Variants in SRSF10 observed in about 807,000 individuals in gnomAD.
The protein encoded by SRSF10 is serine and arginine rich splicing factor 10.
Under a neutral mutation model 32.6 loss-of-function variants are expected in SRSF10, and 9 were observed. The ratio of observed to expected loss-of-function variants is 0.28; its 90% CI spans 0.17 to 0.48. The LOEUF (loss-of-function observed/expected upper bound fraction) is 0.48. SRSF10 is among the 20% of genes least tolerant of loss of function. The pLI, the probability that SRSF10 is intolerant of heterozygous loss-of-function variation, is 0.99. For missense variants in SRSF10, 201 were observed against 331.8 expected (o/e 0.61, Z 3.06); for synonymous variants, 105 against 112.4 (o/e 0.93, Z 0.42).
intron 3 of SRSF10, 81 bp downstream of exon 3, chr1:23,974,893 C>G: frequency 1.9e-6 from 2 of 1,042,802 alleles, no homozygotes; most frequent in Non-Finnish European, 2.9e-6. Flanking sequence ...AACAGAAACA[C>G]AAATTGCTTA....
rs1641391581 is a variant in SRSF10, at chr1:23,965,133, T to C, written c.*6009A>G. 1 of 151,996 alleles carries C rather than the reference T, an allele frequency of 6.6e-6. No homozygotes were observed. The highest frequency in any genetic ancestry group is 6.5e-5 in the Admixed American group (1 of 15,270). 9.4% of individuals were successfully genotyped at this position (151,996 alleles called of 1,614,324 possible). On this transcript the variant is annotated 3_prime_UTR_variant, in exon 6 of 6. Transcript: ENST00000492112. The stretch of plus-strand genomic sequence containing the variant: ...CAATAACCGAAGACAAACAGGTTGC[T>C]CACTTCATCCTATTTATCAAGTCAT...
intron 1 of SRSF10, 98 bp from the exon 2 acceptor site, chr1:23,978,915 T>A: frequency 9.2e-7 from 1 of 1,085,998 alleles, no homozygotes; most frequent in East Asian, 2.4e-5. Flanking sequence ...GATCCAAGAA[T>A]TTGGAAGATA....
intron 4 of SRSF10, 103 bp from the exon 5 acceptor site, chr1:23,971,729 ATT>A (rs1420027265): frequency 6.6e-7 from 1 of 1,509,598 alleles, no homozygotes; most frequent in Non-Finnish European, 9.0e-7. Flanking sequence ...ATGCTACAGT[ATT>A]TTTTGTCTCA....
rs1641724368 is a variant in SRSF10, at chr1:23,970,995, AT to A, written c.*146del. ...AAGAGTGGCTTCTCAACAGCATATC[AT>A]TTTAATTATAACCATTGCCTGGTAC... On this transcript the variant is annotated 3_prime_UTR_variant, in exon 6 of 6. Transcript: ENST00000492112. 2 of 1,455,274 alleles carry A rather than the reference AT, an allele frequency of 1.4e-6. No individual in the cohort carries two copies. Among genetic ancestry groups the A allele is most frequent in the Non-Finnish European group, 1.8e-6 (2 of 1,110,654 alleles). The allele number at this position is 1,455,274 out of a possible 1,614,324, so 90.1% of individuals were successfully genotyped here.
At chr1:23,972,790 G>A (rs4603076) in intron 3 of SRSF10, among the ~76,000 whole-genome samples, 76,363 of 149,214 alleles carry the variant, frequency 0.51, 19,881 homozygotes, top group East Asian at 0.57. Context: ...TGCCCAGGCC[G>A]GAGTGCGATG....
intron 3 of SRSF10, among the ~76,000 whole-genome samples, chr1:23,974,260 C>A (rs1641948547): frequency 6.6e-6 from 1 of 152,158 alleles, no homozygotes; most frequent in African/African-American, 2.4e-5. Flanking sequence ...CCACTGCACC[C>A]TGCGGTTATT....
chr1:23,975,313 G>C (rs1642021190), intron 2 of SRSF10: 2 of 440,100 alleles, frequency 4.5e-6, no homozygotes, highest in South Asian at 9.2e-5. Flanking sequence ...TTGCAGTAAA[G>C]TTATTATTGA....
Position 23,980,296 on chromosome 1 carries a change from C to G in SRSF10, c.-41G>C. On this transcript the variant is annotated 5_prime_UTR_variant, in exon 1 of 6. Coordinates refer to ENST00000492112, the MANE Select transcript of SRSF10 (RefSeq NM_054016.4). ...CGGCCGGGCGCACTAACGGGCTCAGCAAACCGTCCGCGGCTCAGGCGGCCG... is the reference window on the plus strand; with the variant it reads ...CGGCCGGGCGCACTAACGGGCTCAGGAAACCGTCCGCGGCTCAGGCGGCCG... 7.1e-7 allele frequency: 1 copy of G among 1,417,672 alleles called. No homozygotes were observed. The highest frequency in any genetic ancestry group is 1.5e-5 in the African/African-American group (1 of 66,996). 87.8% of individuals were successfully genotyped at this position (1,417,672 alleles called of 1,614,324 possible). A position where few individuals can be genotyped will look rare whatever the true frequency, so the allele number is the denominator to read the frequency against.
intron 3 of SRSF10, among the ~76,000 whole-genome samples, chr1:23,973,191 G>A (rs1641878852): frequency 6.6e-6 from 1 of 152,182 alleles, no homozygotes; most frequent in Non-Finnish European, 1.5e-5. Context: ...TTAGAAGACT[G>A]TTTTATGTTA....
rs1299970679 is a variant in SRSF10, at chr1:23,971,745, A to G, written c.437+105T>C. On this transcript the variant is annotated intron_variant, in intron 4 of 5. Coordinates refer to ENST00000492112, the MANE Select transcript of SRSF10 (RefSeq NM_054016.4). ...TGCTACAGTATTTTTTGTCTCAATG[A>G]AACATTCAATGTATATAATTAAAAG... 46 of 1,493,714 alleles carry G rather than the reference A, an allele frequency of 3.1e-5. No individual in the cohort carries two copies. The African/African-American group carries it at 6.4e-4, about 21-fold the overall frequency. 92.5% of individuals were successfully genotyped at this position (1,493,714 alleles called of 1,614,324 possible).
rs1259644595 is a variant in SRSF10 at position 23,968,948 on chromosome 1, A to G, written c.*2194T>C. On this transcript the variant is annotated 3_prime_UTR_variant, in exon 6 of 6. Transcript: ENST00000492112. ...AAGATGTACCTTTCTGGCAAGTTCT[A>G]TCATTTCCAAAGTAAAAGTTAGTTG... 3 of 271,466 alleles carry G rather than the reference A, an allele frequency of 1.1e-5. No individual in the cohort carries two copies. Among genetic ancestry groups the G allele is most frequent in the Non-Finnish European group, 1.7e-5 (3 of 177,370 alleles). 16.8% of individuals were successfully genotyped at this position (271,466 alleles called of 1,614,324 possible). A position where few individuals can be genotyped will look rare whatever the true frequency, so the allele number is the denominator to read the frequency against.
chr1:23,967,631 T>C lies in SRSF10; in HGVS notation c.*3511A>G. 2.9e-6 allele frequency: 4 copies of C among 1,365,758 alleles called. No homozygotes were observed. Among genetic ancestry groups the C allele is most frequent in the Non-Finnish European group, 4.2e-6 (4 of 955,194 alleles). 84.6% of individuals were successfully genotyped at this position (1,365,758 alleles called of 1,614,324 possible). Reference sequence around the variant, plus strand: ...ACCTTCCACCCACCCTTTGGTCGCTTGAACTGCCCTTCTTTGGTTCTTTTT... The same window carrying C: ...ACCTTCCACCCACCCTTTGGTCGCTCGAACTGCCCTTCTTTGGTTCTTTTT... On this transcript the variant is annotated 3_prime_UTR_variant, in exon 6 of 6. Transcript: ENST00000492112.
chr1:23,966,896 ATT>A lies in SRSF10; in HGVS notation c.*4244_*4245del, dbSNP rs1641481377. Reference sequence around the variant, plus strand: ...TACATTGATACGAATGGTGTAAAATATTGTTATGAATAACACACCTCAAACAA... The same window carrying A: ...TACATTGATACGAATGGTGTAAAATAGTTATGAATAACACACCTCAAACAA... On this transcript the variant is annotated 3_prime_UTR_variant, in exon 6 of 6. Transcript: ENST00000492112. 6.6e-6 allele frequency: 1 copy of A among 152,134 alleles called. No homozygotes were observed. The highest frequency in any genetic ancestry group is 1.5e-5 in the Non-Finnish European group (1 of 67,956). The allele number at this position is 152,134 out of a possible 1,614,324, so 9.4% of individuals were successfully genotyped here.
intron 2 of SRSF10, chr1:23,977,900 C>A (rs1358945608): frequency 1.0e-6 from 1 of 975,754 alleles, no homozygotes; most frequent in African/African-American, 1.8e-5. Context: ...AATAGTTATT[C>A]TGTAGGATAC....
In SRSF10 at chr1:23,975,013, G is replaced by T; in HGVS notation, c.235C>A (p.Arg79=). Residue 79 remains arginine (R), a synonymous_variant, in exon 3 of 6, where the codon CGG becomes AGG. Coordinates refer to ENST00000492112, the MANE Select transcript of SRSF10 (RefSeq NM_054016.4). ...HNLDRKWICG[R]QIEIQFAQGD... ...TGGGCAAACTGTATTTCAATCTGCC[G>T]TCCACAAATCCACTTTCTGTCCAAA... is the stretch of plus-strand genomic sequence containing the variant. 6.2e-7 allele frequency: 1 copy of T among 1,613,828 alleles called. No individual in the cohort carries two copies. Among genetic ancestry groups the T allele is most frequent in the South Asian group, 1.1e-5 (1 of 91,064 alleles).
Position 23,971,637 on chromosome 1 carries a change from T to A in SRSF10, c.438-11A>T. ...CCAGTCGGTCTACTGCTAAAAAGCA[T>A]ATCAGAAAAAGCAGTGACAAATATC... On this transcript the variant is annotated splice_polypyrimidine_tract_variant and intron_variant, in intron 4 of 5. Coordinates refer to ENST00000492112, the MANE Select transcript of SRSF10 (RefSeq NM_054016.4). 1.2e-6 allele frequency: 2 copies of A among 1,608,556 alleles called. No homozygotes were observed. Among genetic ancestry groups the A allele is most frequent in the Non-Finnish European group, 8.5e-7 (1 of 1,179,236 alleles).
At chr1:23,973,998 T>G (rs1641928142) in intron 3 of SRSF10, among the ~76,000 whole-genome samples, 1 of 151,702 alleles carries the variant, frequency 6.6e-6, no homozygotes, top group South Asian at 2.1e-4. Flanking sequence ...AGCTATTTTT[T>G]TTTTTTTTTT....
intron 1 of SRSF10, 184 bp from the exon 2 acceptor site, chr1:23,979,001 C>A (rs1642247094): frequency 2.2e-5 from 6 of 267,876 alleles, no homozygotes; most frequent in Non-Finnish European, 2.8e-5. Flanking sequence ...TTATTTTTAT[C>A]TACAGCCGTC....
Position 23,969,494 on chromosome 1 carries a change from A to G in SRSF10, c.*1648T>C. The G allele has an allele frequency of 1.0e-6, 1 of 985,490 alleles. No individual in the cohort carries two copies. The highest frequency in any genetic ancestry group is 1.2e-6 in the Non-Finnish European group (1 of 829,900). 61.0% of individuals were successfully genotyped at this position (985,490 alleles called of 1,614,324 possible). ...AATCCTTTAAACACATTCCACAAAC[A>G]GTATTTAAAATCCATCGTTGTATTC... On this transcript the variant is annotated 3_prime_UTR_variant, in exon 6 of 6. Transcript: ENST00000492112.
Sources: gnomAD v4.1 joint callset for allele counts (sites outside exome capture counted in the v4.1 genomes callset) on GRCh38, gnomAD v4.1.1 for gene constraint, MANE v1.5 for transcripts, NCBI Gene and HGNC (gene_info 2026-07-23, HGNC 2026-07-21) for gene names.